The following DENND5B variants were observed in gnomAD, a reference collection of about 807,000 sequenced individuals.
The protein encoded by DENND5B is DENN domain-containing protein 5B.
In DENND5B, 34 loss-of-function variants were observed where a neutral mutation model predicts 140.6. The ratio of observed to expected loss-of-function variants is 0.24; its 90% CI spans 0.18 to 0.32. The LOEUF is 0.32. Among genes scored for constraint, DENND5B ranks in the 10% least tolerant of loss-of-function variants. The pLI is 1.00. For missense variants in DENND5B, 1,142 were observed against 1,560.2 expected, an observed-to-expected ratio of 0.73 and a Z score of 4.52; for synonymous variants, 551 against 562.1, an observed-to-expected ratio of 0.98 and a Z score of 0.28.
intron 1 of DENND5B, among the ~76,000 whole-genome samples, chr12:31,516,081 C>A (rs1427751186): frequency 1.3e-5 from 2 of 152,274 alleles, no homozygotes; most frequent in African/African-American, 4.8e-5. Flanking sequence ...GTTTATTGGG[C>A]TGAACTTGCT....
chr12:31,422,502 G>A (rs1461537020), intron 11 of DENND5B, among the ~76,000 whole-genome samples: 1 of 152,082 alleles, frequency 6.6e-6, no homozygotes, highest in African/African-American at 2.4e-5. Flanking sequence ...TCAGGAGGCT[G>A]AGGCAGGAGA....
chr12:31,576,665 T>C (rs1950028450), intron 1 of DENND5B, among the ~76,000 whole-genome samples: 1 of 152,062 alleles, frequency 6.6e-6, no homozygotes. Flanking sequence ...GGAGGATTAC[T>C]TGAAGTCAGG....
intron 1 of DENND5B, among the ~76,000 whole-genome samples, chr12:31,522,571 A>T (rs1947936890): frequency 6.8e-6 from 1 of 147,140 alleles, no homozygotes. Context: ...CAGGCTCCCA[A>T]GTAGTTGGGA....
chr12:31,471,024 G>GA (rs1471501888), intron 3 of DENND5B, among the ~76,000 whole-genome samples: 2 of 152,254 alleles, frequency 1.3e-5, no homozygotes, highest in Admixed American at 1.3e-4. Flanking sequence ...CAAACCAACA[G>GA]AAAAAAGTTA....
At chr12:31,441,105 G>C (rs1565581043) in intron 7 of DENND5B, among the ~76,000 whole-genome samples, 1 of 152,080 alleles carries the variant, frequency 6.6e-6, no homozygotes, top group African/African-American at 2.4e-5. Flanking sequence ...CACTTTGGGA[G>C]GCCAAGGAGT....
chr12:31,551,909 G>A (rs1168690213), intron 1 of DENND5B, among the ~76,000 whole-genome samples: 14 of 152,114 alleles, frequency 9.2e-5, no homozygotes, highest in African/African-American at 2.4e-4. Flanking sequence ...TTTGCACATC[G>A]ATTTTGTATC....
chr12:31,387,852 G>A, intron 20 of DENND5B, 66 bp from the exon 21 acceptor site: 1 of 1,516,276 alleles, frequency 6.6e-7, no homozygotes, highest in Non-Finnish European at 9.0e-7. Context: ...GGCACACAGT[G>A]GAGTCTGTAT....
rs191796717 is a variant in DENND5B at position 31,555,899 on chromosome 12, G to A, written c.127+34807C>T. Among the ~76,000 whole-genome samples the A allele has an allele frequency of 3.3e-4, 50 of 152,256 alleles. No individual in the cohort carries two copies. The South Asian group carries it at 7.7e-3, about 23-fold the overall frequency. ...TCCTGGTGTGCCATTTTTTAAGCCC[G>A]TTGGAAAAGCACAATATTAGGGTGG... is the stretch of plus-strand genomic sequence containing the variant. On this transcript the variant is annotated intron_variant, in intron 1 of 20. Coordinates refer to ENST00000389082, the MANE Select transcript of DENND5B (RefSeq NM_144973.4).
chr12:31,508,718 A>G (rs1010927259), intron 1 of DENND5B, among the ~76,000 whole-genome samples: 3 of 152,218 alleles, frequency 2.0e-5, no homozygotes, highest in East Asian at 1.9e-4. Context: ...GTGGCCTTTC[A>G]TCTAAAGGCC....
chr12:31,537,436 C>T (rs1285276978), intron 1 of DENND5B, among the ~76,000 whole-genome samples: 1 of 151,982 alleles, frequency 6.6e-6, no homozygotes, highest in Non-Finnish European at 1.5e-5. Context: ...TTGCAAGCAT[C>T]ATGGTAACCT....
In DENND5B at chr12:31,447,527, G is replaced by T; in HGVS notation, c.1861+11C>A. Reference sequence around the variant, plus strand: ...GATTTTAATTTAATTTAAAAGGCATGGCAAATGTACCTGCTTCTTTTAAAG... The same window carrying T: ...GATTTTAATTTAATTTAAAAGGCATTGCAAATGTACCTGCTTCTTTTAAAG... On this transcript the variant is annotated intron_variant, in intron 6 of 20. Transcript: ENST00000389082. 1 of 1,591,632 alleles carries T rather than the reference G, an allele frequency of 6.3e-7. No individual in the cohort carries two copies. The highest frequency in any genetic ancestry group is 1.1e-5 in the South Asian group (1 of 88,500).
Position 31,447,883 on chromosome 12 carries a change from G to C in DENND5B, c.1630-114C>G, listed in dbSNP as rs1944338884. The C allele has an allele frequency of 1.0e-5, 8 of 782,240 alleles. No homozygotes were observed. The Admixed American group carries it at 2.1e-4, about 20-fold the overall frequency. 48.5% of individuals were successfully genotyped at this position (782,240 alleles called of 1,614,324 possible). ...TTCCTTTTTTAAATCTTATAAAACT[G>C]ACACTTGAAATTCAAAAATCCTTAA... On this transcript the variant is annotated intron_variant, in intron 5 of 20. Transcript: ENST00000389082.
chr12:31,557,994 G>A (rs1054915966), intron 1 of DENND5B, among the ~76,000 whole-genome samples: 3 of 151,972 alleles, frequency 2.0e-5, no homozygotes, highest in Non-Finnish European at 4.4e-5. Flanking sequence ...TTGAAGCTCC[G>A]GTGAGCTATG....
chr12:31,537,643 T>C (rs1948548340), intron 1 of DENND5B, among the ~76,000 whole-genome samples: 1 of 151,660 alleles, frequency 6.6e-6, no homozygotes, highest in Non-Finnish European at 1.5e-5. Flanking sequence ...TGAATGTAAA[T>C]GGACTACATT....
At chr12:31,491,887 T>A (rs561668963) in intron 2 of DENND5B, among the ~76,000 whole-genome samples, 52 of 152,364 alleles carry the variant, frequency 3.4e-4, no homozygotes, top group Middle Eastern at 3.4e-3. Context: ...ACTACTGTTG[T>A]TAGAGGAATG....
chr12:31,494,199 T>TCCACCCACCCACCCACCCACCCACCCAC (rs1228000336), intron 2 of DENND5B, among the ~76,000 whole-genome samples: 36 of 107,340 alleles, frequency 3.4e-4, no homozygotes, highest in Admixed American at 6.6e-4. Context: ...CATCCATCCA[T>TCCACCCACCCACCCACCCACCCACCCAC]CCACCTACCT....
Position 31,590,935 on chromosome 12 carries a change from G to A in DENND5B, c.-103C>T, listed in dbSNP as rs1950598913. On this transcript the variant is annotated 5_prime_UTR_variant, in exon 1 of 21. Transcript: ENST00000389082. ...GCTGTGGTCTGTGCGCCCGCCCTAG[G>A]GCGACACTGGCGCGCCCATGGCCGC... 4.5e-6 allele frequency: 5 copies of A among 1,112,232 alleles called. No homozygotes were observed. The highest frequency in any genetic ancestry group is 5.0e-5 in the Admixed American group (1 of 20,042). The allele number at this position is 1,112,232 out of a possible 1,614,324, so 68.9% of individuals were successfully genotyped here.
chr12:31,398,198 G>A lies in DENND5B; in HGVS notation c.3233C>T (p.Thr1078Ile). The A allele has an allele frequency of 6.2e-7, 1 of 1,602,608 alleles. No homozygotes were observed. The highest frequency in any genetic ancestry group is 2.2e-5 in the East Asian group (1 of 44,494). ...SPTTARRLSITSLTGKNNKPN... is the reference protein window; with the variant it reads ...SPTTARRLSIISLTGKNNKPN... ...ACTGTTGTTTTTTCCTGTCAGTGAA[G>A]TGATGCTCAATCTCCTAGCCGTGGT... Residue 1078 changes from threonine (T) to isoleucine (I), a missense_variant, in exon 17 of 21, where the codon ACT becomes ATT. Around this residue, in one of 5 missense-constraint regions of DENND5B, gnomAD observed 268 missense variants for 349.2 expected, o/e 0.77. Transcript: ENST00000389082.
intron 2 of DENND5B, among the ~76,000 whole-genome samples, chr12:31,487,304 T>A (rs572059096): frequency 6.6e-6 from 1 of 152,176 alleles, no homozygotes; most frequent in Non-Finnish European, 1.5e-5. Context: ...AATAACTGTA[T>A]AAGGAAAGGC....
Sources: gnomAD v4.1 joint callset for allele counts (sites outside exome capture counted in the v4.1 genomes callset) on GRCh38, gnomAD v4.1.1 for gene constraint, gnomAD v4.1.1 regional missense constraint, MANE v1.5 for transcripts, NCBI Gene and HGNC (gene_info 2026-07-23, HGNC 2026-07-21) for gene names.